The following NXPE2 variants were observed in gnomAD, a reference collection of about 807,000 sequenced individuals.
The protein encoded by NXPE2 is neurexophilin and PC-esterase domain family member 2.
A neutral mutation model predicts 34.4 loss-of-function variants in NXPE2; 34 were observed. The ratio of observed to expected loss-of-function variants is 0.99; its 90% confidence interval spans 0.75 to 1.31. The LOEUF (loss-of-function observed/expected upper bound fraction) is 1.31, where lower values mean the gene tolerates loss of function less well. Among genes scored for constraint, NXPE2 ranks in the 40% most tolerant of loss-of-function variants. The probability of loss-of-function intolerance (pLI) is 0.00; values close to 1 mark genes in which losing one functional copy is unlikely to be tolerated. For missense variants in NXPE2, 649 were observed against 672.5 expected, an observed-to-expected ratio of 0.97 and a Z score of 0.39; for synonymous variants, 235 against 231.3, an observed-to-expected ratio of 1.02 and a Z score of -0.15.
At chr11:114,562,215 C>T in the NXPE2 span, among the ~76,000 whole-genome samples, 1 of 152,150 alleles carries the variant, frequency 6.6e-6, no homozygotes, top group Non-Finnish European at 1.5e-5. Flanking sequence ...TTTCTGCTAG[C>T]CTCCCTGTAA....
chr11:114,617,986 T>A, the NXPE2 span, among the ~76,000 whole-genome samples: 2 of 152,048 alleles, frequency 1.3e-5, no homozygotes, highest in Non-Finnish European at 2.9e-5. Flanking sequence ...TAATAAGTGT[T>A]GCCTCGTGGG....
chr11:114,490,687 A>T, the NXPE2 span, among the ~76,000 whole-genome samples: 2 of 152,240 alleles, frequency 1.3e-5, no homozygotes, highest in African/African-American at 4.8e-5. Flanking sequence ...CTTACACCTT[A>T]TACAAAAATT....
the NXPE2 span, among the ~76,000 whole-genome samples, chr11:114,804,513 G>T: frequency 6.6e-6 from 1 of 152,216 alleles, no homozygotes; most frequent in Non-Finnish European, 1.5e-5. Context: ...CATTTTATGA[G>T]TGCAGAGGCT....
At chr11:114,701,963 A>T (rs1255930158) in intron 3 of NXPE2, among the ~76,000 whole-genome samples, 1 of 152,194 alleles carries the variant, frequency 6.6e-6, no homozygotes. Flanking sequence ...GGGTCCTGGA[A>T]CCAATCTCCC....
chr11:114,799,751 C>T, the NXPE2 span, among the ~76,000 whole-genome samples: 2 of 152,340 alleles, frequency 1.3e-5, no homozygotes, highest in Non-Finnish European at 2.9e-5. Context: ...GAGGAATCTG[C>T]AGCCAGAGGG....
the NXPE2 span, among the ~76,000 whole-genome samples, chr11:114,520,038 G>C: frequency 7.8e-4 from 119 of 151,932 alleles, no homozygotes; most frequent in African/African-American, 2.7e-3. Context: ...TCCTGACCTC[G>C]TGATCCTCCC....
the NXPE2 span, among the ~76,000 whole-genome samples, chr11:114,563,933 G>A: frequency 3.3e-5 from 5 of 151,988 alleles, no homozygotes. Flanking sequence ...AGAACTAAAA[G>A]TAGATATACC....
the NXPE2 span, among the ~76,000 whole-genome samples, chr11:114,795,517 C>T: frequency 6.6e-6 from 1 of 152,178 alleles, no homozygotes; most frequent in East Asian, 1.9e-4. Flanking sequence ...TTTGGATTAA[C>T]TCTTTATTCA....
At chr11:114,799,506 A>C in the NXPE2 span, among the ~76,000 whole-genome samples, 1 of 152,176 alleles carries the variant, frequency 6.6e-6, no homozygotes, top group African/African-American at 2.4e-5. Flanking sequence ...GCCAGTGGGC[A>C]CTTTGAGGGG....
At chr11:114,683,696 A>G (rs1950989718) in intron 2 of NXPE2, among the ~76,000 whole-genome samples, 1 of 152,112 alleles carries the variant, frequency 6.6e-6, no homozygotes, top group South Asian at 2.1e-4. Context: ...AAAGATTTTT[A>G]TAAGTGTTTA....
the NXPE2 span, among the ~76,000 whole-genome samples, chr11:114,734,272 T>C: frequency 1.3e-5 from 2 of 152,208 alleles, no homozygotes; most frequent in Admixed American, 1.3e-4. Flanking sequence ...TTTAGATACT[T>C]TAATCTGATA....
At chr11:114,587,078 C>T in the NXPE2 span, among the ~76,000 whole-genome samples, 1 of 152,078 alleles carries the variant, frequency 6.6e-6, no homozygotes, top group African/African-American at 2.4e-5. Context: ...ATATTGTTGG[C>T]CCTTTGCGGA....
chr11:114,589,710 A>T, the NXPE2 span, among the ~76,000 whole-genome samples: 2 of 152,134 alleles, frequency 1.3e-5, no homozygotes, highest in African/African-American at 4.8e-5. Flanking sequence ...TATCCTAATG[A>T]TCCCACTTTT....
At chr11:114,513,036 A>ACC in the NXPE2 span, 3 of 416,896 alleles carry the variant, frequency 7.2e-6, no homozygotes, top group African/African-American at 6.3e-5. Context: ...GGGGTATCTG[A>ACC]CCCCCCCCAG....
At chr11:114,804,974 AT>A in the NXPE2 span, among the ~76,000 whole-genome samples, 322 of 152,128 alleles carry the variant, frequency 2.1e-3, 5 homozygotes, top group Admixed American at 0.019. Flanking sequence ...CTCCCAGGGG[AT>A]GTTTTCTCTT....
the NXPE2 span, among the ~76,000 whole-genome samples, chr11:114,728,786 A>T: frequency 6.6e-6 from 1 of 152,134 alleles, no homozygotes; most frequent in Non-Finnish European, 1.5e-5. Flanking sequence ...ATAAAACTTT[A>T]CTTACAAAAG....
chr11:114,804,555 G>A, the NXPE2 span, among the ~76,000 whole-genome samples: 92 of 152,232 alleles, frequency 6.0e-4, 1 homozygote, highest in African/African-American at 2.0e-3. Context: ...TTGGGTTTGG[G>A]TGTTATTTCT....
the NXPE2 span, among the ~76,000 whole-genome samples, chr11:114,498,017 C>A: frequency 6.6e-6 from 1 of 151,938 alleles, no homozygotes; most frequent in East Asian, 1.9e-4. Context: ...TTATGTATTG[C>A]ATGTTTCTGA....
the NXPE2 span, among the ~76,000 whole-genome samples, chr11:114,644,143 A>AGGAGATTTTGGGCTGAGATGAT: frequency 6.6e-6 from 1 of 152,176 alleles, no homozygotes; most frequent in African/African-American, 2.4e-5. Flanking sequence ...TATCAGCTTA[A>AGGAGATTTTGGGCTGAGATGAT]GGAGATTTTG....
Sources: allele counts gnomAD v4.1 joint callset (sites outside exome capture counted in the v4.1 genomes callset), GRCh38; gene constraint gnomAD v4.1.1; transcripts MANE v1.5; gene names NCBI Gene and HGNC (gene_info 2026-07-23, HGNC 2026-07-21).